Variants in CLDN14 observed in about 807,000 individuals in gnomAD.
CLDN14 encodes claudin-14.
CLDN14 carries 2 observed loss-of-function variants against 2.1 expected under a neutral mutation model. The observed-to-expected ratio is 0.96, with a 90% CI of 0.39 to 3.01. CLDN14 has a LOEUF of 3.01. Among genes scored for constraint, CLDN14 ranks in the 30% most tolerant of loss-of-function variants. CLDN14 has a pLI of 0.09. For missense variants in CLDN14, 298 were observed against 328.0 expected (o/e 0.91, Z 0.71); for synonymous variants, 136 against 154.4 (o/e 0.88, Z 0.88).
intron 1 of CLDN14, among the ~76,000 whole-genome samples, chr21:36,549,747 A>G (rs143152038): frequency 2.0e-5 from 3 of 152,322 alleles, no homozygotes; most frequent in Admixed American, 2.0e-4. Context: ...AAGGGTGGAC[A>G]TCGGTGAACT....
rs150040476 is a variant in CLDN14 at position 36,461,645 on chromosome 21, G to A, written c.51C>T (p.Gly17=). The A allele has an allele frequency of 2.5e-6, 4 of 1,574,210 alleles. No homozygotes were observed. The highest frequency in any genetic ancestry group is 2.7e-5 in the African/African-American group (2 of 73,854). ...QLLGFLLSFL[G]MVGTLITTIL... ...TGGTGGTGATCAACGTGCCCACCAT[G>A]CCCAGGAAGCTGAGCAGGAAGCCCA... The change falls in exon 2 of 2, where the codon GGC becomes GGT. Residue 17 remains glycine (G), a synonymous_variant. Coordinates refer to ENST00000399135, the MANE Select transcript of CLDN14 (RefSeq NM_001146079.2).
In CLDN14 at chr21:36,498,449, G is replaced by C. The variant is rs1262006287; in HGVS notation, c.-82+11914C>G. Among the ~76,000 whole-genome samples, 1 of 152,198 alleles carries C rather than the reference G, an allele frequency of 6.6e-6. No homozygotes were observed. Among genetic ancestry groups the C allele is most frequent in the East Asian group, 1.9e-4 (1 of 5,204 alleles). ...CTCTTGTCTGGATTTAGCTGTGAAAGACCAGTAGACCAACTGGTGGGAAAA... is the reference window on the plus strand; with the variant it reads ...CTCTTGTCTGGATTTAGCTGTGAAACACCAGTAGACCAACTGGTGGGAAAA... On this transcript the variant is annotated intron_variant, in intron 2 of 2. Coordinates refer to the CLDN14 transcript ENST00000342108. This position sits in a 1 kb window ranked among gnomAD's most constrained non-coding sequence, Gnocchi z 4.9.
intron 1 of CLDN14, among the ~76,000 whole-genome samples, chr21:36,552,367 G>C (rs2146518056): frequency 6.6e-6 from 1 of 152,340 alleles, no homozygotes; most frequent in Middle Eastern, 3.4e-3. Flanking sequence ...CCTGTGCTCA[G>C]TATAAGATGC....
At chr21:36,538,966 G>A (rs79807929) in intron 1 of CLDN14, among the ~76,000 whole-genome samples, 1 of 152,108 alleles carries the variant, frequency 6.6e-6, no homozygotes, top group Non-Finnish European at 1.5e-5. Context: ...CCCACACACA[G>A]AGCTTGCTTC....
At chr21:36,560,241 A>G (rs1024067011) in intron 1 of CLDN14, among the ~76,000 whole-genome samples, 2 of 148,454 alleles carry the variant, frequency 1.3e-5, no homozygotes, top group African/African-American at 5.0e-5. Flanking sequence ...TTTTTTTGAG[A>G]CAGATTTTCG....
At position 36,548,016 on chromosome 21, in the gene CLDN14, T is replaced by C. The variant is rs536195430; in HGVS notation, c.-220+28395A>G. Among the ~76,000 whole-genome samples the C allele has an allele frequency of 1.2e-4, 18 of 152,200 alleles. No individual in the cohort carries two copies. The East Asian group carries it at 3.5e-3, about 29-fold the overall frequency. ...TTTGGCTGACCTTGGTCCCCCTCTT[T>C]CTCCTCGCGTCCTCTGCCTCTCAAC... On this transcript the variant is annotated intron_variant, in intron 1 of 2. Transcript: ENST00000342108.
chr21:36,494,628 C>G (rs1295663756), intron 2 of CLDN14, among the ~76,000 whole-genome samples: 1 of 152,156 alleles, frequency 6.6e-6, no homozygotes, highest in Non-Finnish European at 1.5e-5. Context: ...GGGCCCTGAC[C>G]CAATCTGACT....
At chr21:36,494,596 G>T (rs1234921226) in intron 2 of CLDN14, among the ~76,000 whole-genome samples, 72 of 152,230 alleles carry the variant, frequency 4.7e-4, no homozygotes, top group Non-Finnish European at 2.9e-5. Context: ...AGGCGATTCA[G>T]TTAAAATGAG....
chr21:36,485,959 C>A (rs1216206114), intron 2 of CLDN14: 2 of 1,378,988 alleles, frequency 1.5e-6, no homozygotes, highest in Non-Finnish European at 1.0e-6. Flanking sequence ...CCTGAGCAGG[C>A]TCAGCTACCC....
At chr21:36,487,078 G>A (rs1192838329) in intron 2 of CLDN14, 4 of 226,904 alleles carry the variant, frequency 1.8e-5, no homozygotes, top group Non-Finnish European at 2.6e-5. Context: ...TCTGCCTCTC[G>A]GGTTCAAGGG....
intron 1 of CLDN14, among the ~76,000 whole-genome samples, chr21:36,537,235 C>CAGAG (rs146602302): frequency 4.0e-5 from 6 of 150,790 alleles, no homozygotes; most frequent in Non-Finnish European, 5.9e-5. Context: ...AACAAATCTG[C>CAGAG]AGAGAGAGAG....
intron 1 of CLDN14, among the ~76,000 whole-genome samples, chr21:36,515,802 T>C (rs1293332651): frequency 7.0e-6 from 1 of 143,062 alleles, no homozygotes; most frequent in Admixed American, 6.8e-5. Flanking sequence ...TTTTTTTTTT[T>C]TTGAGACAGA....
Position 36,460,826 on chromosome 21 carries a change from G to A in CLDN14, c.*150C>T. On this transcript the variant is annotated 3_prime_UTR_variant, in exon 2 of 2. Transcript: ENST00000399135. The surrounding 1 kb of genome is among the most constrained non-coding windows in gnomAD (Gnocchi z 4.0). ...CTCTTATTTCCCCCTCTGTCCCTGT[G>A]CTCTAAAGACATTTCCTCGCATTCA... The A allele has an allele frequency of 1.1e-6, 1 of 893,046 alleles. No individual in the cohort carries two copies. Among genetic ancestry groups the A allele is most frequent in the Non-Finnish European group, 1.7e-6 (1 of 577,860 alleles). 55.3% of individuals were successfully genotyped at this position (893,046 alleles called of 1,614,324 possible).
chr21:36,550,582 C>T (rs1043962229), intron 1 of CLDN14, among the ~76,000 whole-genome samples: 18 of 152,300 alleles, frequency 1.2e-4, no homozygotes, highest in Non-Finnish European at 2.5e-4. Context: ...ATGGCATCAG[C>T]CCGGTTTCTA....
intron 2 of CLDN14, among the ~76,000 whole-genome samples, chr21:36,492,042 G>A (rs200855722): frequency 1.3e-5 from 2 of 152,066 alleles, no homozygotes; most frequent in South Asian, 2.1e-4. Flanking sequence ...GGTGGCTCAC[G>A]CCTGTAATCC....
At chr21:36,474,306 C>A (rs1256791019) in intron 1 of CLDN14, among the ~76,000 whole-genome samples, 5 of 152,132 alleles carry the variant, frequency 3.3e-5, no homozygotes, top group South Asian at 2.1e-4. Flanking sequence ...CAATAGAGAC[C>A]ATGATATTTT....
chr21:36,473,348 A>G (rs1043952957), intron 1 of CLDN14, among the ~76,000 whole-genome samples: 1 of 152,216 alleles, frequency 6.6e-6, no homozygotes, highest in Non-Finnish European at 1.5e-5. Flanking sequence ...TGGCCTCCCA[A>G]GGCTGTTGGA....
rs1208275082 is a variant in CLDN14, at chr21:36,461,016, G to A, written c.680C>T (p.Ser227Leu). Residue 227 changes from serine (S) to leucine (L), a missense_variant, in exon 2 of 2, where the codon TCG (serine) becomes TTG (leucine). Ser to Leu is a moderately radical substitution (Grantham distance 145). Coordinates refer to ENST00000399135, the MANE Select transcript of CLDN14 (RefSeq NM_001146079.2). ...CAGCCTGTACCCGCTGTGCGTGGCC[G>A]AGGTCACTGAGGGGGCCCGATTGTC... is the stretch of plus-strand genomic sequence containing the variant. ...YKDNRAPSVT[S>L]ATHSGYRLND... 2 of 1,613,318 alleles carry A rather than the reference G, an allele frequency of 1.2e-6. No homozygotes were observed.
chr21:36,527,664 T>C (rs922453485), intron 1 of CLDN14, among the ~76,000 whole-genome samples: 8 of 152,150 alleles, frequency 5.3e-5, no homozygotes, highest in Non-Finnish European at 1.2e-4. Context: ...AGATAAATCA[T>C]GCAATAATTT....
Sources: gnomAD v4.1 joint callset for allele counts (sites outside exome capture counted in the v4.1 genomes callset) on GRCh38, gnomAD v4.1.1 for gene constraint, Gnocchi (gnomAD v3.1) non-coding constraint, MANE v1.5 for transcripts, NCBI Gene and HGNC (gene_info 2026-07-23, HGNC 2026-07-21) for gene names.